The following APOB variants were observed in gnomAD, a reference collection of about 807,000 sequenced individuals.
APOB encodes the protein apolipoprotein B-100.
Under a neutral mutation model 314.1 loss-of-function variants are expected in APOB, and 153 were observed. The observed-to-expected ratio is 0.49, with a 90% CI of 0.43 to 0.56. APOB has a LOEUF of 0.56. Ranked by LOEUF, APOB falls within the 20% of genes least tolerant of loss-of-function variation. The pLI, the probability that APOB is intolerant of heterozygous loss-of-function variation, is 0.00. For synonymous variants in APOB, 2,087 were observed against 2,036.4 expected, an observed-to-expected ratio of 1.02 and a Z score of -0.67; for missense variants, 5,430 against 5,350.7, an observed-to-expected ratio of 1.01 and a Z score of -0.46.
At chr2:21,035,753 C>T in intron 6 of APOB, 45 bp from the exon 7 acceptor site, 1 of 1,608,884 alleles carries the variant, frequency 6.2e-7, no homozygotes, top group Non-Finnish European at 8.5e-7. Flanking sequence ...GTCCCTGTAT[C>T]TTCTGTTAAA....
Position 21,004,607 on chromosome 2 carries a change from C to A in APOB, c.11857G>T (p.Asp3953Tyr). The A allele has an allele frequency of 1.9e-6, 3 of 1,613,962 alleles. No homozygotes were observed. The South Asian group carries it at 3.3e-5, about 18-fold the overall frequency. ...SKTKGTFAHRDFSAEYEEDGK... is the reference protein window; with the variant it reads ...SKTKGTFAHRYFSAEYEEDGK... Reference sequence around the variant, plus strand: ...TCTTCTTCATATTCTGCACTGAAGTCACGGTGTGCAAATGTTCCTTTAGTC... The same window carrying A: ...TCTTCTTCATATTCTGCACTGAAGTAACGGTGTGCAAATGTTCCTTTAGTC... Residue 3953 changes from aspartate (D) to tyrosine (Y), a missense_variant, in exon 27 of 29, where the codon GAC (aspartate) becomes TAC (tyrosine). By Grantham distance (160) the Asp-to-Tyr change is radical. This residue lies in a region of APOB where 3,281 missense variants were observed against 3,171.0 expected (regional missense o/e 1.03). Coordinates refer to ENST00000233242, the MANE Select transcript of APOB (RefSeq NM_000384.3).
chr2:21,030,822 C>A (rs978303963), intron 10 of APOB, among the ~76,000 whole-genome samples: 1 of 151,902 alleles, frequency 6.6e-6, no homozygotes, highest in African/African-American at 2.4e-5. Flanking sequence ...CAAAAGAAGA[C>A]ATACAAATGG....
Position 21,012,375 on chromosome 2 carries a change from T to G in APOB, c.4493A>C (p.Lys1498Thr), listed in dbSNP as rs750606739. 1 of 1,614,190 alleles carries G rather than the reference T, an allele frequency of 6.2e-7. No homozygotes were observed. The highest frequency in any genetic ancestry group is 1.1e-5 in the South Asian group (1 of 91,076). The change falls in exon 26 of 29, where the codon AAA becomes ACA. Residue 1498 changes from lysine (K) to threonine (T), a missense_variant. By Grantham distance (78) the Lys-to-Thr change is moderately conservative. Coordinates refer to ENST00000233242, the MANE Select transcript of APOB (RefSeq NM_000384.3). ...GQFRVSSFYA[K>T]GTYGLSCQRD... ...CTGACAAGACAGGCCATATGTGCCTTTAGCATAGAACGAAGAGACTCTGAA... is the reference window on the plus strand; with the variant it reads ...CTGACAAGACAGGCCATATGTGCCTGTAGCATAGAACGAAGAGACTCTGAA...
In APOB at chr2:21,001,848, A is replaced by T. The variant is rs1183918786; in HGVS notation, c.13574T>A (p.Ile4525Asn). Residue 4525 changes from isoleucine (I) to asparagine (N), a missense_variant, in exon 29 of 29, where the codon ATT becomes AAT. This residue lies in a region of APOB where 3,281 missense variants were observed against 3,171.0 expected (regional missense o/e 1.03). Coordinates refer to ENST00000233242, the MANE Select transcript of APOB (RefSeq NM_000384.3). ...TATCAGAAATGTGTGGTAGTTTTGA[A>T]TGGACAGGTCAATCAATCTTTTGGA... ...AESKRLIDLSIQNYHTFLIYI... is the reference protein window; with the variant it reads ...AESKRLIDLSNQNYHTFLIYI... 1 of 1,614,104 alleles carries T rather than the reference A, an allele frequency of 6.2e-7. No homozygotes were observed. The highest frequency in any genetic ancestry group is 1.1e-5 in the South Asian group (1 of 91,082).
chr2:21,008,863 T>C lies in APOB; in HGVS notation c.8005A>G (p.Lys2669Glu). Residue 2669 changes from lysine to glutamate, a missense_variant, in exon 26 of 29, where the codon AAA becomes GAA. Around this residue, in one of 3 missense-constraint regions of APOB, gnomAD observed 3,281 missense variants for 3,171.0 expected, o/e 1.03. Coordinates refer to ENST00000233242, the MANE Select transcript of APOB (RefSeq NM_000384.3). The stretch of plus-strand genomic sequence containing the variant: ...TCAATGGTTCTGATGATCTTTACTT[T>C]CATTTCTACAAAGTCAATTGTAAAG... ...PSFTIDFVEM[K>E]VKIIRTIDQM... 6.2e-7 allele frequency: 1 copy of C among 1,614,082 alleles called. No homozygotes were observed. The highest frequency in any genetic ancestry group is 8.5e-7 in the Non-Finnish European group (1 of 1,179,964).
chr2:21,031,639 A>C (rs1033074596), intron 10 of APOB, among the ~76,000 whole-genome samples: 53 of 152,238 alleles, frequency 3.5e-4, no homozygotes, highest in African/African-American at 1.1e-3. Flanking sequence ...ATTTCATCAA[A>C]GGAAAAACCT....
rs1663037607 is a variant in APOB, at chr2:21,003,114, T to C, written c.12308A>G (p.Lys4103Arg). The C allele has an allele frequency of 4.4e-6, 7 of 1,604,132 alleles. No homozygotes were observed. Among genetic ancestry groups the C allele is most frequent in the Non-Finnish European group, 5.1e-6 (6 of 1,174,032 alleles). ...TGLTLREVSS[K>R]LRRNLQNNAE... ...ATTGTTCTGCAGATTTCTTCTCAGC[T>C]TTGAAGACACTTCTCTCAGGGTGAG... is the stretch of plus-strand genomic sequence containing the variant. Residue 4103 changes from lysine (K) to arginine (R), a missense_variant, in exon 29 of 29, where the codon AAG (lysine) becomes AGG (arginine). By Grantham distance (26) the Lys-to-Arg change is conservative. This residue lies in a region of APOB where 3,281 missense variants were observed against 3,171.0 expected (regional missense o/e 1.03). Coordinates refer to ENST00000233242, the MANE Select transcript of APOB (RefSeq NM_000384.3).
chr2:21,013,271 A>G lies in APOB; in HGVS notation c.4105T>C (p.Trp1369Arg). 1 of 1,614,232 alleles carries G rather than the reference A, an allele frequency of 6.2e-7. No homozygotes were observed. The highest frequency in any genetic ancestry group is 8.5e-7 in the Non-Finnish European group (1 of 1,180,046). ...TTGCCACCACTGTAGGAGGCGGACC[A>G]GTTGTACAAGTTGCTGTAGACATTC... ...STNVYSNLYNWSASYSGGNTS... is the reference protein window; with the variant it reads ...STNVYSNLYNRSASYSGGNTS... The change falls in exon 25 of 29, where the codon TGG (tryptophan) becomes CGG (arginine). Residue 1369 changes from tryptophan (W) to arginine (R), a missense_variant. By Grantham distance (101) the Trp-to-Arg change is moderately radical. Coordinates refer to ENST00000233242, the MANE Select transcript of APOB (RefSeq NM_000384.3).
Position 21,028,408 on chromosome 2 carries a change from C to A in APOB, c.1748G>T (p.Trp583Leu). 6.2e-7 allele frequency: 1 copy of A among 1,614,148 alleles called. No homozygotes were observed. Among genetic ancestry groups the A allele is most frequent in the East Asian group, 2.2e-5 (1 of 44,878 alleles). ...GTTCTTCACTTGCTCATTCTGTTCC[C>A]ATGGTAGAATTTGGACAATTTTGTT... Reference protein sequence around the residue: ...DINKIVQILPWEQNEQVKNFV... With the variant: ...DINKIVQILPLEQNEQVKNFV... Residue 583 changes from tryptophan (W) to leucine (L), a missense_variant, in exon 13 of 29, where the codon TGG (tryptophan) becomes TTG (leucine). Physicochemically the swap from Trp to Leu is moderately conservative, Grantham distance 61. Transcript: ENST00000233242.
chr2:21,038,286 G>T (rs550612116), intron 4 of APOB, among the ~76,000 whole-genome samples, 175 bp from the exon 5 acceptor site: 1 of 151,974 alleles, frequency 6.6e-6, no homozygotes, highest in Admixed American at 6.6e-5. Context: ...TTTCAAAAAA[G>T]TATGCACATA....
rs72653092 is a variant in APOB at position 21,009,583 on chromosome 2, A to T, written c.7285T>A (p.Ser2429Thr). 7.2e-4 allele frequency: 1,168 copies of T among 1,613,954 alleles called. 1 individual carries two copies. The highest frequency in any genetic ancestry group is 9.9e-4 in the Middle Eastern group (6 of 6,062). Residue 2429 changes from serine to threonine, a missense_variant, in exon 26 of 29, where the codon TCA (serine) becomes ACA (threonine). By Grantham distance (58) the Ser-to-Thr change is moderately conservative. Transcript: ENST00000233242. Reference protein sequence around the residue: ...FLDMLIKKLKSFDYHQFVDET... With the variant: ...FLDMLIKKLKTFDYHQFVDET... ...TCTACAAACTGGTGGTAATCAAATG[A>T]CTTTAATTTCTTTATCAACATGTCA...
At chr2:21,034,008 G>C (rs1358332130) in intron 8 of APOB, among the ~76,000 whole-genome samples, 1 of 152,216 alleles carries the variant, frequency 6.6e-6, no homozygotes, top group Admixed American at 6.5e-5. Flanking sequence ...CTGTTGACAT[G>C]GTTACAACTG....
rs1195631728 is a variant in APOB, at chr2:21,008,786, C to G, written c.8082G>C (p.Arg2694Ser). ...LQWPVPDIYL[R>S]DLKVEDIPLA... ...GAGGAATGTCCTCCACCTTCAGATC[C>G]CTGAGATATATATCTGGAACGGGCC... is the stretch of plus-strand genomic sequence containing the variant. Residue 2694 changes from arginine to serine, a missense_variant, in exon 26 of 29, where the codon AGG becomes AGC. This residue lies in a region of APOB where 3,281 missense variants were observed against 3,171.0 expected (regional missense o/e 1.03). Transcript: ENST00000233242. The G allele has an allele frequency of 1.2e-6, 2 of 1,613,852 alleles. No individual in the cohort carries two copies. Among genetic ancestry groups the G allele is most frequent in the African/African-American group, 1.3e-5 (1 of 74,860 alleles).
Position 21,032,536 on chromosome 2 carries a change from G to A in APOB, c.1170C>T (p.Cys390=), listed in dbSNP as rs746903565. ...QALVQCGQPQ[C]STHILQWLKR... is the part of the protein sequence containing the mutation. ...TCAGCCACTGGAGGATGTGAGTGGAGCACTGAGGCTGTCCACACTGAACCA... is the reference window on the plus strand; with the variant it reads ...TCAGCCACTGGAGGATGTGAGTGGAACACTGAGGCTGTCCACACTGAACCA... The change falls in exon 10 of 29, where the codon TGC becomes TGT. Residue 390 remains cysteine (C), a synonymous_variant. Coordinates refer to ENST00000233242, the MANE Select transcript of APOB (RefSeq NM_000384.3). 5 of 1,614,102 alleles carry A rather than the reference G, an allele frequency of 3.1e-6. No homozygotes were observed. In the South Asian group the frequency reaches 5.5e-5, roughly 18 times the overall value.
chr2:21,034,968 T>C (rs372186285), intron 7 of APOB, 67 bp from the exon 8 acceptor site: 54 of 863,718 alleles, frequency 6.3e-5, no homozygotes, highest in South Asian at 3.5e-4. Flanking sequence ...ATGTTGAAGG[T>C]TTTCCCTGTC....
rs772221575 is a variant in APOB, at chr2:21,028,409, A to G, written c.1747T>C (p.Trp583Arg). The change falls in exon 13 of 29, where the codon TGG (tryptophan) becomes CGG (arginine). Residue 583 changes from tryptophan (W) to arginine (R), a missense_variant. Coordinates refer to ENST00000233242, the MANE Select transcript of APOB (RefSeq NM_000384.3). ...DINKIVQILP[W>R]EQNEQVKNFV... is the part of the protein sequence containing the mutation. ...TTCTTCACTTGCTCATTCTGTTCCCATGGTAGAATTTGGACAATTTTGTTA... is the reference window on the plus strand; with the variant it reads ...TTCTTCACTTGCTCATTCTGTTCCCGTGGTAGAATTTGGACAATTTTGTTA... The G allele has an allele frequency of 2.5e-6, 4 of 1,614,170 alleles. No homozygotes were observed. The highest frequency in any genetic ancestry group is 1.7e-5 in the Admixed American group (1 of 60,024).
chr2:21,028,431 G>C lies in APOB; in HGVS notation c.1725C>G (p.Asn575Lys). The stretch of plus-strand genomic sequence containing the variant: ...CCCATGGTAGAATTTGGACAATTTT[G>C]TTAATATCTGCCTGTGAAGGACTCC... Reference protein sequence around the residue: ...LMRSPSQADINKIVQILPWEQ... With the variant: ...LMRSPSQADIKKIVQILPWEQ... The change falls in exon 13 of 29, where the codon AAC becomes AAG. Residue 575 changes from asparagine to lysine, a missense_variant. Transcript: ENST00000233242. 1 of 1,614,024 alleles carries C rather than the reference G, an allele frequency of 6.2e-7. No individual in the cohort carries two copies. Among genetic ancestry groups the C allele is most frequent in the South Asian group, 1.1e-5 (1 of 91,076 alleles).
At position 21,034,877 on chromosome 2, in the gene APOB, T is replaced by C. The variant is rs1252850854; in HGVS notation, c.843A>G (p.Gln281=). ...CTTCAAGTTTCAAAGTCTGTGTCAC[T>C]TGTGCTACCATCCCATACTTATTCC... ...SYKNKYGMVA[Q]VTQTLKLEDT... is the part of the protein sequence containing the mutation. The change falls in exon 8 of 29, where the codon CAA becomes CAG. Residue 281 remains glutamine (Q), a synonymous_variant. Coordinates refer to ENST00000233242, the MANE Select transcript of APOB (RefSeq NM_000384.3). 1.9e-6 allele frequency: 3 copies of C among 1,592,196 alleles called. No individual in the cohort carries two copies. Among genetic ancestry groups the C allele is most frequent in the East Asian group, 2.2e-5 (1 of 44,786 alleles).
chr2:21,007,340 C>T lies in APOB; in HGVS notation c.9528G>A (p.Gln3176=), dbSNP rs1483128095. The change falls in exon 26 of 29, where the codon CAG becomes CAA. Residue 3176 remains glutamine, a synonymous_variant. Transcript: ENST00000233242. ...AATGCCTGTGTTTGTTTTTCTTATA[C>T]TGAGCTTTTACACTTAAATCAAATG... is the stretch of plus-strand genomic sequence containing the variant. ...KQSFDLSVKA[Q]YKKNKHRHSI... The T allele has an allele frequency of 2.5e-6, 4 of 1,613,874 alleles. No homozygotes were observed. The African/African-American group carries it at 4.0e-5, about 16-fold the overall frequency.
Sources: gnomAD v4.1 joint callset for allele counts (sites outside exome capture counted in the v4.1 genomes callset) on GRCh38, gnomAD v4.1.1 for gene constraint, gnomAD v4.1.1 regional missense constraint, MANE v1.5 for transcripts, NCBI Gene and HGNC (gene_info 2026-07-23, HGNC 2026-07-21) for gene names.